ZMAT4: variants seen among roughly 807,000 people sequenced by gnomAD.
ZMAT4 encodes the protein zinc finger matrin-type protein 4.
Under a neutral mutation model 28.7 loss-of-function variants are expected in ZMAT4, and 17 were observed. The observed-to-expected ratio is 0.59, with a 90% CI of 0.41 to 0.89. The LOEUF (loss-of-function observed/expected upper bound fraction) is 0.89, where lower values mean the gene tolerates loss of function less well. Ranked by LOEUF, ZMAT4 falls within the 40% of genes least tolerant of loss-of-function variation. The pLI is 0.00. For synonymous variants in ZMAT4, 117 were observed against 109.2 expected (o/e 1.07, Z -0.44); for missense variants, 240 against 283.8 (o/e 0.85, Z 1.11).
chr8:40,593,948 C>T (rs893277891), intron 5 of ZMAT4, among the ~76,000 whole-genome samples: 1 of 152,122 alleles, frequency 6.6e-6, no homozygotes, highest in African/African-American at 2.4e-5. Context: ...GGGTTAAGTC[C>T]TGGTTGTCTG....
At chr8:40,591,131 A>T (rs1005330185) in intron 5 of ZMAT4, among the ~76,000 whole-genome samples, 3 of 152,110 alleles carry the variant, frequency 2.0e-5, no homozygotes, top group Admixed American at 6.6e-5. Context: ...ATTGTAGAAA[A>T]TTCAGGGCAA....
chr8:40,872,287 G>A (rs1817885175), intron 1 of ZMAT4, among the ~76,000 whole-genome samples: 1 of 152,204 alleles, frequency 6.6e-6, no homozygotes. Context: ...AGTCTGAAGG[G>A]GGCATCCCAC....
At chr8:40,717,185 C>A (rs1054954021) in intron 3 of ZMAT4, among the ~76,000 whole-genome samples, 1 of 152,156 alleles carries the variant, frequency 6.6e-6, no homozygotes, top group Admixed American at 6.5e-5. Context: ...AATGAAGGTC[C>A]TTAAGTCCCA....
At position 40,724,690 on chromosome 8, in the gene ZMAT4, C is replaced by T. The variant is rs565160185; in HGVS notation, c.193-27289G>A. 1.8e-3 allele frequency among the ~76,000 whole-genome samples: 270 copies of T among 152,316 alleles called. 1 individual carries two copies. The highest frequency in any genetic ancestry group is 3.5e-3 in the South Asian group (17 of 4,826). On this transcript the variant is annotated intron_variant, in intron 3 of 6. Transcript: ENST00000297737. ...AGGGGAAGCACAGAAGAGACAATAA[C>T]TTTCCCTAAGAGCACTGGGGCCTTC...
At chr8:40,757,083 C>A (rs1812729728) in intron 3 of ZMAT4, among the ~76,000 whole-genome samples, 2 of 152,072 alleles carry the variant, frequency 1.3e-5, no homozygotes, top group Admixed American at 6.5e-5. Flanking sequence ...AAATCGACAA[C>A]AAAAAGCACA....
chr8:40,601,507 AAG>A (rs766066833), intron 5 of ZMAT4, among the ~76,000 whole-genome samples: 141 of 143,054 alleles, frequency 9.9e-4, no homozygotes, highest in East Asian at 1.6e-3. Flanking sequence ...GAAAGAAAGA[AAG>A]AGAAAGAGAA....
intron 2 of ZMAT4, among the ~76,000 whole-genome samples, chr8:40,820,495 T>A (rs988391413): frequency 6.6e-6 from 1 of 151,274 alleles, no homozygotes; most frequent in Admixed American, 6.6e-5. Context: ...TGTGTGTATA[T>A]GTGTGTATGT....
chr8:40,652,406 T>C (rs372923018), intron 5 of ZMAT4, among the ~76,000 whole-genome samples: 8,320 of 116,412 alleles, frequency 0.071, 409 homozygotes, highest in Non-Finnish European at 0.11. Context: ...GCAGTTAGAA[T>C]GGCAATCATT....
chr8:40,855,111 C>T (rs922970936), intron 1 of ZMAT4, among the ~76,000 whole-genome samples: 4 of 152,266 alleles, frequency 2.6e-5, no homozygotes, highest in Admixed American at 1.3e-4. Flanking sequence ...TGCAATCCCC[C>T]GCTGTTTGTG....
chr8:40,583,038 G>C (rs1272792902), intron 5 of ZMAT4, among the ~76,000 whole-genome samples: 2 of 152,194 alleles, frequency 1.3e-5, no homozygotes, highest in African/African-American at 4.8e-5. Context: ...GAAGAAGAAA[G>C]AAAGAAATGG....
At chr8:40,648,493 A>T (rs1807462673) in intron 5 of ZMAT4, among the ~76,000 whole-genome samples, 1 of 151,120 alleles carries the variant, frequency 6.6e-6, no homozygotes, top group Admixed American at 6.6e-5. Context: ...AAGTTGGAAA[A>T]CACGCTGCAG....
chr8:40,786,787 G>A (rs1814106118), intron 2 of ZMAT4: 4 of 1,256,138 alleles, frequency 3.2e-6, no homozygotes, highest in Non-Finnish European at 4.2e-6. Context: ...TGGACCCTAG[G>A]ATAGATGGGA....
At chr8:40,631,582 T>C (rs1335720951) in intron 5 of ZMAT4, among the ~76,000 whole-genome samples, 2 of 152,216 alleles carry the variant, frequency 1.3e-5, no homozygotes, top group South Asian at 2.1e-4. Flanking sequence ...TCTGGCCTGT[T>C]CCTGCCTATT....
chr8:40,852,223 C>A (rs2150636305), intron 1 of ZMAT4, among the ~76,000 whole-genome samples: 1 of 152,202 alleles, frequency 6.6e-6, no homozygotes, highest in African/African-American at 2.4e-5. Flanking sequence ...CCCCACTGCC[C>A]CTCCCAGCCT....
intron 3 of ZMAT4, among the ~76,000 whole-genome samples, chr8:40,765,411 A>C (rs1813112302): frequency 6.6e-6 from 1 of 152,214 alleles, no homozygotes; most frequent in Non-Finnish European, 1.5e-5. Context: ...AGTGTAACAA[A>C]AGCATCAACT....
At position 40,601,493 on chromosome 8, in the gene ZMAT4, G is replaced by GA. The variant is rs1291304410; in HGVS notation, c.578-20233dup. 3.2e-5 allele frequency among the ~76,000 whole-genome samples: 2 copies of GA among 63,122 alleles called. 1 individual carries two copies. The highest frequency in any genetic ancestry group is 9.6e-5 in the Non-Finnish European group (2 of 20,812). The allele number at this position is 63,122 out of a possible 152,430, so 41.4% of individuals were successfully genotyped here. ...GGAAAGAAAGAAAGAAAGAAAGAAA[G>GA]AGAGAAAGAAAGAAAGAGAAAGAGA... On this transcript the variant is annotated intron_variant, in intron 5 of 6. Coordinates refer to ENST00000297737, the MANE Select transcript of ZMAT4 (RefSeq NM_024645.3).
chr8:40,771,293 C>A (rs1357681692), intron 2 of ZMAT4, among the ~76,000 whole-genome samples: 7 of 150,204 alleles, frequency 4.7e-5, no homozygotes, highest in Non-Finnish European at 1.0e-4. Flanking sequence ...ACTATGATTA[C>A]AATTACACAA....
At chr8:40,871,256 A>C (rs1056975820) in intron 1 of ZMAT4, among the ~76,000 whole-genome samples, 2 of 152,224 alleles carry the variant, frequency 1.3e-5, no homozygotes, top group African/African-American at 4.8e-5. Flanking sequence ...CAAGAAGAGA[A>C]GATTAGTACA....
intron 5 of ZMAT4, among the ~76,000 whole-genome samples, chr8:40,617,761 C>T (rs1163305865): frequency 6.6e-6 from 1 of 152,140 alleles, no homozygotes; most frequent in African/African-American, 2.4e-5. Flanking sequence ...AGAAGAACCA[C>T]ATAACAAAAG....
Sources: gnomAD v4.1 joint callset for allele counts (sites outside exome capture counted in the v4.1 genomes callset) on GRCh38, gnomAD v4.1.1 for gene constraint, MANE v1.5 for transcripts, NCBI Gene and HGNC (gene_info 2026-07-23, HGNC 2026-07-21) for gene names.